NGLY1: variants seen among roughly 807,000 people sequenced by gnomAD.
The protein encoded by NGLY1 is N-glycanase 1, also known as peptide-N(4)-(N-acetyl-beta-glucosaminyl)asparagine amidase.
A neutral mutation model predicts 84.6 loss-of-function variants in NGLY1; 68 were observed. The observed-to-expected ratio is 0.80, with a 90% CI of 0.66 to 0.98. NGLY1 has a LOEUF of 0.98. Ranked by LOEUF, NGLY1 falls within the 50% of genes least tolerant of loss-of-function variation. The pLI is 0.00. For synonymous variants in NGLY1, 280 were observed against 275.2 expected, an observed-to-expected ratio of 1.02 and a Z score of -0.17; for missense variants, 779 against 770.2, an observed-to-expected ratio of 1.01 and a Z score of -0.14.
intron 4 of NGLY1, among the ~76,000 whole-genome samples, chr3:25,747,024 C>T (rs193023719): frequency 6.6e-5 from 10 of 152,180 alleles, no homozygotes; most frequent in South Asian, 2.1e-4. Flanking sequence ...TTAGTACAGA[C>T]GGGGTTTCAC....
chr3:25,787,866 T>C (rs2125336239), upstream of NGLY1, among the ~76,000 whole-genome samples: 1 of 152,354 alleles, frequency 6.6e-6, no homozygotes, highest in African/African-American at 2.4e-5. Context: ...GAAGATACCA[T>C]GACACTTCAT....
chr3:25,753,512 G>A (rs1473766017), intron 3 of NGLY1, among the ~76,000 whole-genome samples: 1 of 152,058 alleles, frequency 6.6e-6, no homozygotes, highest in Non-Finnish European at 1.5e-5. Flanking sequence ...GATTGGTATA[G>A]ATAATCACAA....
At chr3:25,773,222 T>C (rs1027587463) in intron 2 of NGLY1, among the ~76,000 whole-genome samples, 1 of 152,194 alleles carries the variant, frequency 6.6e-6, no homozygotes, top group East Asian at 1.9e-4. Context: ...CTCAAATATG[T>C]CTTCCAAACT....
chr3:25,769,073 A>C (rs967739016), intron 2 of NGLY1, among the ~76,000 whole-genome samples: 1 of 151,974 alleles, frequency 6.6e-6, no homozygotes, highest in Non-Finnish European at 1.5e-5. Flanking sequence ...AAAATGAGCA[A>C]AAGAGGCCGG....
chr3:25,748,464 G>T (rs1413963596), intron 4 of NGLY1, among the ~76,000 whole-genome samples: 2 of 152,196 alleles, frequency 1.3e-5, no homozygotes, highest in Non-Finnish European at 2.9e-5. Flanking sequence ...TTAATTCCTA[G>T]CTAGATTAGC....
chr3:25,778,996 C>T (rs1430424147), intron 1 of NGLY1, among the ~76,000 whole-genome samples: 4 of 123,322 alleles, frequency 3.2e-5, no homozygotes, highest in South Asian at 5.4e-4. Context: ...AGTGCAGTGG[C>T]GTGACCTCGG....
intron 1 of NGLY1, among the ~76,000 whole-genome samples, chr3:25,779,097 G>A (rs796825161): frequency 1.3e-5 from 2 of 151,674 alleles, no homozygotes; most frequent in African/African-American, 4.8e-5. Flanking sequence ...CACCACTCCT[G>A]GCTAATTTTG....
chr3:25,748,931 C>A (rs961402640), intron 4 of NGLY1, among the ~76,000 whole-genome samples: 2 of 151,604 alleles, frequency 1.3e-5, no homozygotes, highest in African/African-American at 4.9e-5. Flanking sequence ...AAAGAATGTT[C>A]AAAAGACTTG....
chr3:25,764,102 A>G lies in NGLY1; in HGVS notation c.456T>C (p.Arg152=). 1 of 1,614,192 alleles carries G rather than the reference A, an allele frequency of 6.2e-7. No individual in the cohort carries two copies. Among genetic ancestry groups the G allele is most frequent in the South Asian group, 1.1e-5 (1 of 91,086 alleles). ...PSGLNQHTRN[R]QGQSSDPPSA... is the part of the protein sequence containing the mutation. Reference sequence around the variant, plus strand: ...ATGGTGGATCTGATGACTGCCCTTGACGGTTCCTTGTGTGCTGGTTTAACC... The same window carrying G: ...ATGGTGGATCTGATGACTGCCCTTGGCGGTTCCTTGTGTGCTGGTTTAACC... The change falls in exon 3 of 12, where the codon CGT becomes CGC. Residue 152 remains arginine (R), a synonymous_variant. Coordinates refer to ENST00000280700, the MANE Select transcript of NGLY1 (RefSeq NM_018297.4).
Position 25,719,495 on chromosome 3 carries a change from A to G in NGLY1, c.1930T>C (p.Cys644Arg). 1.9e-6 allele frequency: 3 copies of G among 1,613,784 alleles called. No individual in the cohort carries two copies. The highest frequency in any genetic ancestry group is 2.5e-6 in the Non-Finnish European group (3 of 1,179,856). ...CTGAATTTTATAATTATCTCCAAACAATTTTCTTCATGGTCATTTAAGCTT... is the reference window on the plus strand; with the variant it reads ...CTGAATTTTATAATTATCTCCAAACGATTTTCTTCATGGTCATTTAAGCTT... Reference protein sequence around the residue: ...RQSLNDHEENCLEIIIKFSDL With the variant: ...RQSLNDHEENRLEIIIKFSDL The change falls in exon 12 of 12, where the codon TGT (cysteine) becomes CGT (arginine). Residue 644 changes from cysteine (C) to arginine (R), a missense_variant. Coordinates refer to ENST00000280700, the MANE Select transcript of NGLY1 (RefSeq NM_018297.4).
At chr3:25,752,643 T>TAA (rs745704602) in intron 3 of NGLY1, among the ~76,000 whole-genome samples, 3 of 135,734 alleles carry the variant, frequency 2.2e-5, no homozygotes, top group Non-Finnish European at 3.2e-5. Flanking sequence ...TCCTATCTCT[T>TAA]AAAAAAAAAA....
At position 25,755,089 on chromosome 3, in the gene NGLY1, A is replaced by G. The variant is rs1005583423; in HGVS notation, c.493-3826T>C. ...TGACTACAATTCTGGATGATGCAAA[A>G]ATTTATTCGAGCCATGCTAAGAAAC... On this transcript the variant is annotated intron_variant, in intron 3 of 11. Transcript: ENST00000280700. 5 of 1,446,850 alleles carry G rather than the reference A, an allele frequency of 3.5e-6. No homozygotes were observed. The African/African-American group carries it at 7.0e-5, about 20-fold the overall frequency. 89.6% of individuals were successfully genotyped at this position (1,446,850 alleles called of 1,614,324 possible). A position where few individuals can be genotyped will look rare whatever the true frequency, so the allele number is the denominator to read the frequency against.
intron 3 of NGLY1, among the ~76,000 whole-genome samples, chr3:25,754,034 G>A (rs936206077): frequency 4.6e-5 from 7 of 152,154 alleles, no homozygotes; most frequent in Non-Finnish European, 7.4e-5. Context: ...AAAAATATTT[G>A]TCTGTGTGTG....
At chr3:25,783,499 TC>T, upstream of NGLY1, 1 of 1,117,434 alleles carries the variant, frequency 8.9e-7, no homozygotes, top group Non-Finnish European at 1.1e-6. This position sits in a 1 kb window ranked among gnomAD's most constrained non-coding sequence, Gnocchi z 4.5. Flanking sequence ...GGCGGGGTCC[TC>T]GGCCGGCAGG....
intron 2 of NGLY1, among the ~76,000 whole-genome samples, chr3:25,775,800 G>C (rs775504432): frequency 6.6e-6 from 1 of 152,052 alleles, no homozygotes; most frequent in Non-Finnish European, 1.5e-5. Flanking sequence ...CGGTGACTAC[G>C]GTTAAAAACA....
At chr3:25,775,677 T>G (rs976008218) in intron 2 of NGLY1, among the ~76,000 whole-genome samples, 4 of 152,170 alleles carry the variant, frequency 2.6e-5, no homozygotes, top group Admixed American at 2.0e-4. Flanking sequence ...GGAATGGCAG[T>G]TACCAAAGGC....
chr3:25,742,220 C>T (rs9845432), intron 4 of NGLY1, among the ~76,000 whole-genome samples: 6,061 of 152,170 alleles, frequency 0.04, 368 homozygotes, highest in African/African-American at 0.14. Context: ...CAGTATCTAT[C>T]CAAGAGAAAT....
intron 10 of NGLY1, among the ~76,000 whole-genome samples, chr3:25,722,942 TG>T (rs879936806): frequency 2.0e-5 from 3 of 152,100 alleles, no homozygotes; most frequent in Admixed American, 2.0e-4. Flanking sequence ...GGAAGAAAGG[TG>T]AATTAAAAGA....
intron 10 of NGLY1, among the ~76,000 whole-genome samples, chr3:25,728,142 T>C (rs572343501): frequency 1.6e-4 from 24 of 152,170 alleles, no homozygotes; most frequent in Non-Finnish European, 3.4e-4. Context: ...GACAATGTGA[T>C]ATAAATGGAG....
Sources: allele counts gnomAD v4.1 joint callset (sites outside exome capture counted in the v4.1 genomes callset), GRCh38; gene constraint gnomAD v4.1.1; non-coding constraint Gnocchi (gnomAD v3.1); transcripts MANE v1.5; gene names NCBI Gene and HGNC (gene_info 2026-07-23, HGNC 2026-07-21).